IFNAR2: variants seen among roughly 807,000 people sequenced by gnomAD.
IFNAR2 encodes the protein interferon alpha/beta receptor 2.
IFNAR2 carries 30 observed loss-of-function variants against 49.4 expected under a neutral mutation model. That is an observed-to-expected ratio of 0.61 (90% CI 0.45 to 0.82). The LOEUF is 0.82. IFNAR2 is among the 40% of genes least tolerant of loss of function. The pLI is 0.00. For missense variants in IFNAR2, 600 were observed against 622.7 expected (o/e 0.96, Z 0.39); for synonymous variants, 224 against 234.5 (o/e 0.96, Z 0.41).
At chr21:33,253,375 C>T (rs1987993534) in intron 7 of IFNAR2, among the ~76,000 whole-genome samples, 1 of 152,190 alleles carries the variant, frequency 6.6e-6, no homozygotes, top group African/African-American at 2.4e-5. Context: ...AAACCTTCTT[C>T]CCCTTTGGAG....
intron 1 of IFNAR2, chr21:33,234,757 A>G: frequency 2.0e-6 from 2 of 985,166 alleles, no homozygotes; most frequent in Non-Finnish European, 2.4e-6. Context: ...CTGTGACAAA[A>G]TTGGGGTTCA....
rs1209268465 is a variant in IFNAR2, at chr21:33,263,821, T to A, written c.*321T>A. 4.0e-6 allele frequency: 1 copy of A among 252,834 alleles called. No individual in the cohort carries two copies. Among genetic ancestry groups the A allele is most frequent in the African/African-American group, 2.3e-5 (1 of 44,330 alleles). 15.7% of individuals were successfully genotyped at this position (252,834 alleles called of 1,614,324 possible). ...GGGTTCCCCACAGTTTCAGAGGTGG[T>A]CCAGGACCCTATGATATTTCTCTTC... On this transcript the variant is annotated 3_prime_UTR_variant, in exon 9 of 9. Coordinates refer to ENST00000342136, the MANE Select transcript of IFNAR2 (RefSeq NM_001289125.3).
In IFNAR2 at chr21:33,230,308, C is replaced by G; in HGVS notation, c.-84+92C>G. On this transcript the variant is annotated intron_variant, in intron 1 of 8. Transcript: ENST00000342136. This position sits in a 1 kb window ranked among gnomAD's most constrained non-coding sequence, Gnocchi z 5.5. ...CTCCCTGCAGCGGTTCCCGGAATCC[C>G]CTCCGGTTCCCTCTCGCTCTCCCCG... 9.9e-7 allele frequency: 1 copy of G among 1,011,482 alleles called. No individual in the cohort carries two copies. Among genetic ancestry groups the G allele is most frequent in the Non-Finnish European group, 1.2e-6 (1 of 801,784 alleles). The allele number at this position is 1,011,482 out of a possible 1,614,324, so 62.7% of individuals were successfully genotyped here.
intron 6 of IFNAR2, chr21:33,252,439 T>C: frequency 1.0e-6 from 1 of 984,456 alleles, no homozygotes; most frequent in Non-Finnish European, 1.2e-6. Flanking sequence ...AGACTAGATG[T>C]CATGGTTATA....
At position 33,262,923 on chromosome 21, in the gene IFNAR2, G is replaced by A. The variant is rs201411274; in HGVS notation, c.971G>A (p.Ser324Asn). 1.2e-4 allele frequency: 187 copies of A among 1,614,078 alleles called. No homozygotes were observed. In the Middle Eastern group the frequency reaches 1.5e-3, roughly 13 times the overall value. Residue 324 changes from serine to asparagine, a missense_variant, in exon 9 of 9, where the codon AGC becomes AAC. Transcript: ENST00000342136. Reference sequence around the variant, plus strand: ...TATAATTATGATGATGAAAGTGATAGCGATACTGAGGCAGCGCCCAGGACA... The same window carrying A: ...TATAATTATGATGATGAAAGTGATAACGATACTGAGGCAGCGCCCAGGACA... ...WDYNYDDESDSDTEAAPRTSG... is the reference protein window; with the variant it reads ...WDYNYDDESDNDTEAAPRTSG...
At chr21:33,254,283 C>T (rs1484907456) in intron 7 of IFNAR2, among the ~76,000 whole-genome samples, 1 of 152,160 alleles carries the variant, frequency 6.6e-6, no homozygotes, top group Non-Finnish European at 1.5e-5. Flanking sequence ...TCAGGCACAG[C>T]TGGCCAGCAC....
rs544964422 is a variant in IFNAR2, at chr21:33,244,699, G to C, written c.98-252G>C. Among the ~76,000 whole-genome samples, 25 of 152,292 alleles carry C rather than the reference G, an allele frequency of 1.6e-4. No individual in the cohort carries two copies. In the South Asian group the frequency reaches 5.2e-3, roughly 32 times the overall value. On this transcript the variant is annotated intron_variant, in intron 3 of 8. Coordinates refer to ENST00000342136, the MANE Select transcript of IFNAR2 (RefSeq NM_001289125.3). ...CCAAGGGCATCGGAGAAGCCCTTCTGTCCAGACTCTCCTTACACAGTGCAC... is the reference window on the plus strand; with the variant it reads ...CCAAGGGCATCGGAGAAGCCCTTCTCTCCAGACTCTCCTTACACAGTGCAC...
In IFNAR2 at chr21:33,230,334, ACTCCTC is replaced by A. The variant is rs368922144; in HGVS notation, c.-84+130_-84+135del. 1.2e-5 allele frequency: 10 copies of A among 837,284 alleles called. No homozygotes were observed. The highest frequency in any genetic ancestry group is 4.6e-5 in the Admixed American group (1 of 21,968). 51.9% of individuals were successfully genotyped at this position (837,284 alleles called of 1,614,324 possible). On this transcript the variant is annotated intron_variant, in intron 1 of 8. Coordinates refer to ENST00000342136, the MANE Select transcript of IFNAR2 (RefSeq NM_001289125.3). The surrounding 1 kb of genome is among the most constrained non-coding windows in gnomAD (Gnocchi z 5.5). ...CTCCGGTTCCCTCTCGCTCTCCCCG[ACTCCTC>A]CTCCTCCTCCTGCCCTCCCTCTGCG...
At position 33,263,485 on chromosome 21, in the gene IFNAR2, T is replaced by C. The variant is rs1988784136; in HGVS notation, c.1533T>C (p.Gly511=). ...TSESDVDLGD[G]YIMR is the part of the protein sequence containing the mutation. ...AGTCAGATGTTGACCTTGGGGATGG[T>C]TATATAATGAGATGACTCCAAAACT... The change falls in exon 9 of 9, where the codon GGT becomes GGC. Residue 511 remains glycine (G), a synonymous_variant. Transcript: ENST00000342136. The C allele has an allele frequency of 1.9e-6, 3 of 1,609,192 alleles. No individual in the cohort carries two copies. Among genetic ancestry groups the C allele is most frequent in the Non-Finnish European group, 2.5e-6 (3 of 1,177,500 alleles).
intron 1 of IFNAR2, among the ~76,000 whole-genome samples, chr21:33,237,592 T>G (rs1442648644): frequency 1.3e-5 from 2 of 152,210 alleles, no homozygotes; most frequent in Admixed American, 6.5e-5. Context: ...AGGGGAATGT[T>G]CACAACTAGG....
chr21:33,265,104 C>T lies in IFNAR2; in HGVS notation c.*1604C>T, dbSNP rs1471791704. ...TCCCTGTGTGACCCTAGGCATTTGACTTAGCCTTTCTGAGCCTCAGGTTTT... is the reference window on the plus strand; with the variant it reads ...TCCCTGTGTGACCCTAGGCATTTGATTTAGCCTTTCTGAGCCTCAGGTTTT... On this transcript the variant is annotated 3_prime_UTR_variant, in exon 9 of 9. Transcript: ENST00000342136. The T allele has an allele frequency of 6.6e-6, 1 of 152,220 alleles. No individual in the cohort carries two copies. Among genetic ancestry groups the T allele is most frequent in the African/African-American group, 2.4e-5 (1 of 41,450 alleles). The allele number at this position is 152,220 out of a possible 1,614,324, so 9.4% of individuals were successfully genotyped here.
chr21:33,251,870 G>T lies in IFNAR2; in HGVS notation c.541-792G>T, dbSNP rs373980676. 57 of 624,140 alleles carry T rather than the reference G, an allele frequency of 9.1e-5. No homozygotes were observed. The East Asian group carries it at 4.6e-3, about 51-fold the overall frequency. 38.7% of individuals were successfully genotyped at this position (624,140 alleles called of 1,614,324 possible). A position where few individuals can be genotyped will look rare whatever the true frequency, so the allele number is the denominator to read the frequency against. The stretch of plus-strand genomic sequence containing the variant: ...GGCCAAGGCAGGCAGATCGCTTGCG[G>T]TCAGGAGTTCAAGACCAGCGTGGCC... On this transcript the variant is annotated intron_variant, in intron 6 of 8. Coordinates refer to ENST00000342136, the MANE Select transcript of IFNAR2 (RefSeq NM_001289125.3).
rs1568871282 is a variant in IFNAR2 at position 33,230,251 on chromosome 21, GCGTGGCCAGCTGACTGGA to G, written c.-84+36_-84+53del. On this transcript the variant is annotated intron_variant, in intron 1 of 8. Coordinates refer to ENST00000342136, the MANE Select transcript of IFNAR2 (RefSeq NM_001289125.3). This position sits in a 1 kb window ranked among gnomAD's most constrained non-coding sequence, Gnocchi z 5.5. ...CGTGGCGGGGTCGCGGGAGCGGAGCGCGTGGCCAGCTGACTGGAGGGAAAACGCCGCCTCCCTGCAGCG... is the reference window on the plus strand; with the variant it reads ...CGTGGCGGGGTCGCGGGAGCGGAGCGGGGAAAACGCCGCCTCCCTGCAGCG... 2 of 1,092,954 alleles carry G rather than the reference GCGTGGCCAGCTGACTGGA, an allele frequency of 1.8e-6. No homozygotes were observed. Among genetic ancestry groups the G allele is most frequent in the Non-Finnish European group, 2.2e-6 (2 of 890,630 alleles). The allele number at this position is 1,092,954 out of a possible 1,614,324, so 67.7% of individuals were successfully genotyped here.
intron 1 of IFNAR2, among the ~76,000 whole-genome samples, chr21:33,238,881 C>T (rs1457474146): frequency 2.0e-5 from 3 of 151,776 alleles, no homozygotes; most frequent in South Asian, 2.1e-4. Context: ...CGCTCTTAAA[C>T]CTATGAAAAG....
At chr21:33,233,040 CA>C in intron 1 of IFNAR2, 1 of 536,412 alleles carries the variant, frequency 1.9e-6, no homozygotes, top group South Asian at 8.1e-5. Flanking sequence ...CACTGTGCAA[CA>C]ACTTGATAAA....
chr21:33,258,390 G>A (rs1456594925), intron 7 of IFNAR2, among the ~76,000 whole-genome samples: 3 of 152,028 alleles, frequency 2.0e-5, no homozygotes, highest in East Asian at 3.9e-4. Context: ...TGAAGGAGGG[G>A]GCCATGAGCA....
At position 33,252,037 on chromosome 21, in the gene IFNAR2, C is replaced by A. The variant is rs555090458; in HGVS notation, c.541-625C>A. ...GGTGGAGGTTGCAGTGAGCCAAGAT[C>A]ATGCCACTGCACTCCAGCCTGGGCA... is the stretch of plus-strand genomic sequence containing the variant. On this transcript the variant is annotated intron_variant, in intron 6 of 8. Coordinates refer to ENST00000342136, the MANE Select transcript of IFNAR2 (RefSeq NM_001289125.3). 4.1e-4 allele frequency: 131 copies of A among 318,220 alleles called. 4 individuals are homozygous for A. The highest frequency in any genetic ancestry group is 3.1e-3 in the South Asian group (129 of 41,396). 19.7% of individuals were successfully genotyped at this position (318,220 alleles called of 1,614,324 possible). A position where few individuals can be genotyped will look rare whatever the true frequency, so the allele number is the denominator to read the frequency against.
chr21:33,246,681 CT>C (rs1987434543), intron 4 of IFNAR2, 36 bp from the exon 5 acceptor site: 1 of 1,570,964 alleles, frequency 6.4e-7, no homozygotes, highest in Admixed American at 1.7e-5. Context: ...TACATCAATG[CT>C]AACAATTTCC....
At chr21:33,255,094 CA>C (rs971740935) in intron 7 of IFNAR2, among the ~76,000 whole-genome samples, 3 of 152,210 alleles carry the variant, frequency 2.0e-5, no homozygotes, top group Admixed American at 6.5e-5. Context: ...AAGGAAAAAA[CA>C]TGTCAAACAC....
Sources: allele counts gnomAD v4.1 joint callset (sites outside exome capture counted in the v4.1 genomes callset), GRCh38; gene constraint gnomAD v4.1.1; non-coding constraint Gnocchi (gnomAD v3.1); transcripts MANE v1.5; gene names NCBI Gene and HGNC (gene_info 2026-07-23, HGNC 2026-07-21).